The following GAS2 variants were observed in gnomAD, a reference collection of about 807,000 sequenced individuals.
GAS2 encodes growth arrest-specific protein 2.
Under a neutral mutation model 37.5 loss-of-function variants are expected in GAS2, and 20 were observed. The observed-to-expected ratio is 0.53, with a 90% confidence interval of 0.37 to 0.77. The LOEUF is 0.77. GAS2 is among the 30% of genes least tolerant of loss of function. The pLI is 0.00. For synonymous variants in GAS2, 144 were observed against 132.2 expected (o/e 1.09, Z -0.61); for missense variants, 336 against 373.4 (o/e 0.90, Z 0.82).
intron 7 of GAS2, among the ~76,000 whole-genome samples, chr11:22,781,886 A>G (rs1855571655): frequency 6.6e-6 from 1 of 152,158 alleles, no homozygotes; most frequent in South Asian, 2.1e-4. Flanking sequence ...AGACAATGGA[A>G]CTTGAACCTT....
intron 1 of GAS2, among the ~76,000 whole-genome samples, chr11:22,639,602 T>C (rs1858884559): frequency 6.6e-6 from 1 of 152,208 alleles, no homozygotes; most frequent in South Asian, 2.1e-4. Context: ...GAAGACTTTA[T>C]GCATGTAAAA....
chr11:22,810,142 C>T (rs1391031227), intron 7 of GAS2, among the ~76,000 whole-genome samples: 2 of 152,164 alleles, frequency 1.3e-5, no homozygotes, highest in Admixed American at 1.3e-4. Flanking sequence ...GCTAGGTGAT[C>T]AGTCTCAAAT....
At chr11:22,640,027 C>T (rs546252464) in intron 1 of GAS2, among the ~76,000 whole-genome samples, 71 of 152,176 alleles carry the variant, frequency 4.7e-4, no homozygotes, top group African/African-American at 1.3e-3. Context: ...CATTGTAATC[C>T]ATCATAGACA....
intron 3 of GAS2, among the ~76,000 whole-genome samples, chr11:22,723,844 T>C (rs573451906): frequency 1.3e-5 from 2 of 151,926 alleles, no homozygotes; most frequent in African/African-American, 4.8e-5. Flanking sequence ...ATTCAGCATA[T>C]TATTTTTATA....
chr11:22,691,331 C>T (rs1013488985), intron 3 of GAS2, among the ~76,000 whole-genome samples: 1 of 152,088 alleles, frequency 6.6e-6, no homozygotes, highest in Non-Finnish European at 1.5e-5. Context: ...TTTGTGCCAT[C>T]TGGGAATTAA....
intron 3 of GAS2, among the ~76,000 whole-genome samples, chr11:22,707,047 T>C (rs1475731526): frequency 6.6e-6 from 1 of 152,176 alleles, no homozygotes; most frequent in African/African-American, 2.4e-5. Context: ...TGAGATGGTA[T>C]CTCATTGTGG....
At chr11:22,746,765 G>A (rs1191169706) in intron 5 of GAS2, among the ~76,000 whole-genome samples, 1 of 152,044 alleles carries the variant, frequency 6.6e-6, no homozygotes, top group Non-Finnish European at 1.5e-5. Flanking sequence ...TCACTACCTG[G>A]GTAATGGGAT....
At chr11:22,693,758 T>C (rs1850364704) in intron 3 of GAS2, among the ~76,000 whole-genome samples, 1 of 152,230 alleles carries the variant, frequency 6.6e-6, no homozygotes, top group Non-Finnish European at 1.5e-5. Flanking sequence ...TCTGAATGCA[T>C]AGTAAACAGA....
At chr11:22,716,083 C>T (rs1049576485) in intron 3 of GAS2, among the ~76,000 whole-genome samples, 23 of 151,938 alleles carry the variant, frequency 1.5e-4, no homozygotes, top group African/African-American at 5.6e-4. Context: ...GAAGTAAAAA[C>T]AAAAAACATA....
intron 6 of GAS2, among the ~76,000 whole-genome samples, chr11:22,754,667 A>G (rs1853928176): frequency 6.6e-6 from 1 of 151,556 alleles, no homozygotes; most frequent in African/African-American, 2.4e-5. Context: ...AACATTTCTT[A>G]TTCTAGGAAA....
intron 1 of GAS2, among the ~76,000 whole-genome samples, chr11:22,628,274 A>G (rs910474946): frequency 1.3e-5 from 2 of 152,220 alleles, no homozygotes; most frequent in Non-Finnish European, 2.9e-5. Flanking sequence ...ATGAGAGACT[A>G]GATAGAAACT....
At chr11:22,690,945 G>A (rs1307468624) in intron 3 of GAS2, among the ~76,000 whole-genome samples, 3 of 152,032 alleles carry the variant, frequency 2.0e-5, no homozygotes, top group African/African-American at 7.2e-5. Flanking sequence ...CATCAGCGTG[G>A]GGCAAGACAT....
chr11:22,799,096 G>A (rs1022187231), intron 7 of GAS2, among the ~76,000 whole-genome samples: 2 of 152,018 alleles, frequency 1.3e-5, no homozygotes, highest in Admixed American at 1.3e-4. Context: ...GATATCCCAG[G>A]GGGCTGAACA....
chr11:22,697,815 A>G (rs1359863267), intron 3 of GAS2, among the ~76,000 whole-genome samples: 1 of 152,162 alleles, frequency 6.6e-6, no homozygotes, highest in Non-Finnish European at 1.5e-5. Context: ...ACTTTGCTGA[A>G]GTTGTTTATC....
At chr11:22,664,132 T>G (rs1384224575), upstream of GAS2, among the ~76,000 whole-genome samples, 1 of 152,182 alleles carries the variant, frequency 6.6e-6, no homozygotes, top group East Asian at 1.9e-4. Context: ...TAAGTCTTTC[T>G]TGGTCACTTC....
chr11:22,630,251 A>G (rs1858725752), intron 1 of GAS2, among the ~76,000 whole-genome samples: 1 of 151,940 alleles, frequency 6.6e-6, no homozygotes, highest in Non-Finnish European at 1.5e-5. Flanking sequence ...CCTGTGTCCA[A>G]GTGTTCTCAT....
intron 7 of GAS2, among the ~76,000 whole-genome samples, chr11:22,766,888 G>A (rs538997551): frequency 2.6e-5 from 4 of 152,162 alleles, no homozygotes; most frequent in Admixed American, 6.5e-5. Context: ...AGCATGCTAT[G>A]GTATGGCAGA....
chr11:22,794,121 T>TTG (rs1328811070), intron 7 of GAS2, among the ~76,000 whole-genome samples: 3 of 151,842 alleles, frequency 2.0e-5, no homozygotes, highest in Non-Finnish European at 2.9e-5. Flanking sequence ...TTTTTTTTTT[T>TTG]TTAGTGAAGA....
intron 7 of GAS2, among the ~76,000 whole-genome samples, chr11:22,759,205 A>G (rs186948842): frequency 2.9e-3 from 442 of 152,332 alleles, no homozygotes; most frequent in Middle Eastern, 6.8e-3. Context: ...TATTTTCTGC[A>G]GAGAATATCT....
Sources: allele counts gnomAD v4.1 joint callset (sites outside exome capture counted in the v4.1 genomes callset), GRCh38; gene constraint gnomAD v4.1.1; transcripts MANE v1.5; gene names NCBI Gene and HGNC (gene_info 2026-07-23, HGNC 2026-07-21).